Variants in ZDHHC2 observed in about 807,000 individuals in gnomAD.
ZDHHC2 encodes the protein palmitoyltransferase ZDHHC2.
A neutral mutation model predicts 55.6 loss-of-function variants in ZDHHC2; 51 were observed. That is an observed-to-expected ratio of 0.92 (90% CI 0.73 to 1.16). The LOEUF is 1.16. Ranked by LOEUF, ZDHHC2 falls within the 50% of genes most tolerant of loss-of-function variation. The pLI, the probability that ZDHHC2 is intolerant of heterozygous loss-of-function variation, is 0.00. For synonymous variants in ZDHHC2, 199 were observed against 152.9 expected (o/e 1.30, Z -2.22); for missense variants, 491 against 442.4 (o/e 1.11, Z -0.99).
chr8:17,217,773 C>A (rs897016895), intron 12 of ZDHHC2, among the ~76,000 whole-genome samples: 5 of 152,032 alleles, frequency 3.3e-5, no homozygotes, highest in Admixed American at 1.3e-4. Context: ...TGTTCCAAAT[C>A]ATTTTCTTTA....
intron 1 of ZDHHC2, among the ~76,000 whole-genome samples, chr8:17,180,623 A>T (rs927066157): frequency 6.6e-6 from 1 of 152,304 alleles, no homozygotes; most frequent in South Asian, 2.1e-4. Flanking sequence ...CACTGTGTTA[A>T]GTACATTGTT....
At chr8:17,213,168 G>C (rs1190899710) in intron 10 of ZDHHC2, among the ~76,000 whole-genome samples, 3 of 151,900 alleles carry the variant, frequency 2.0e-5, no homozygotes, top group African/African-American at 7.3e-5. Context: ...TTCTGTTCGG[G>C]CGTAACTTCA....
intron 12 of ZDHHC2, among the ~76,000 whole-genome samples, chr8:17,217,737 G>T (rs1255853590): frequency 6.6e-6 from 1 of 152,042 alleles, no homozygotes; most frequent in East Asian, 1.9e-4. Context: ...GGGCCTTATA[G>T]CATGTGTTAA....
rs1807069037 is a variant in ZDHHC2, at chr8:17,205,784, T to G, written c.597+9T>G. 1 of 1,592,650 alleles carries G rather than the reference T, an allele frequency of 6.3e-7. No individual in the cohort carries two copies. Among genetic ancestry groups the G allele is most frequent in the Non-Finnish European group, 8.5e-7 (1 of 1,174,094 alleles). On this transcript the variant is annotated intron_variant, in intron 7 of 12. Transcript: ENST00000262096. The stretch of plus-strand genomic sequence containing the variant: ...TTATCAAATTTTGGACAGTAAGTCA[T>G]TAACTTGGTAACTCTTTTTTTGGTA...
intron 3 of ZDHHC2, among the ~76,000 whole-genome samples, chr8:17,193,455 A>C (rs1297030600): frequency 6.6e-6 from 1 of 152,228 alleles, no homozygotes; most frequent in East Asian, 1.9e-4. Context: ...CTCTGTGGCC[A>C]ACACCACTGG....
intron 10 of ZDHHC2, among the ~76,000 whole-genome samples, chr8:17,211,973 T>A (rs1807408132): frequency 1.3e-5 from 2 of 152,242 alleles, no homozygotes; most frequent in Non-Finnish European, 2.9e-5. Flanking sequence ...GTGTTTTTTT[T>A]AATAATTTAA....
intron 10 of ZDHHC2, among the ~76,000 whole-genome samples, chr8:17,213,247 TTTTTTTTTTC>T (rs1253143590): frequency 8.1e-5 from 12 of 148,710 alleles, no homozygotes; most frequent in African/African-American, 2.0e-4. Context: ...GTTACACTGA[TTTTTTTTTTC>T]TTTTTTTTTC....
At chr8:17,180,554 A>G (rs1187103993) in intron 1 of ZDHHC2, among the ~76,000 whole-genome samples, 1 of 152,140 alleles carries the variant, frequency 6.6e-6, no homozygotes, top group African/African-American at 2.4e-5. Context: ...AGTTAATATT[A>G]TCAAGATGAA....
chr8:17,163,289 A>C (rs1458273496), intron 1 of ZDHHC2, among the ~76,000 whole-genome samples: 1 of 152,150 alleles, frequency 6.6e-6, no homozygotes, highest in Non-Finnish European at 1.5e-5. Context: ...CAGCGGGTCC[A>C]GTGTTCCAGC....
chr8:17,212,878 A>G (rs1268012030), intron 10 of ZDHHC2, among the ~76,000 whole-genome samples: 1 of 151,848 alleles, frequency 6.6e-6, no homozygotes, highest in African/African-American at 2.4e-5. Flanking sequence ...TGTTATAATA[A>G]AATGTCTCCA....
intron 3 of ZDHHC2, among the ~76,000 whole-genome samples, chr8:17,192,673 A>T (rs1244327806): frequency 6.6e-6 from 1 of 152,208 alleles, no homozygotes; most frequent in East Asian, 1.9e-4. Context: ...TGTGCTTGTG[A>T]GGTATGATTC....
chr8:17,199,500 T>C (rs62497329), intron 6 of ZDHHC2, among the ~76,000 whole-genome samples: 1 of 109,782 alleles, frequency 9.1e-6, no homozygotes, highest in African/African-American at 4.8e-5. Context: ...CTTCTTCTTC[T>C]TCTTCTTCTT....
At chr8:17,180,426 A>G (rs2150900869) in intron 1 of ZDHHC2, among the ~76,000 whole-genome samples, 1 of 152,264 alleles carries the variant, frequency 6.6e-6, no homozygotes, top group Admixed American at 6.5e-5. Flanking sequence ...TCACTCGCCA[A>G]GTCTATTTTT....
intron 3 of ZDHHC2, among the ~76,000 whole-genome samples, chr8:17,193,348 C>T (rs780128766): frequency 2.6e-5 from 4 of 152,172 alleles, no homozygotes; most frequent in Non-Finnish European, 5.9e-5. Flanking sequence ...TACCAGGCAG[C>T]GACTCTTGTT....
At chr8:17,192,886 C>T (rs2150918559) in intron 3 of ZDHHC2, among the ~76,000 whole-genome samples, 1 of 152,282 alleles carries the variant, frequency 6.6e-6, no homozygotes, top group African/African-American at 2.4e-5. Context: ...GCCCTTTCCC[C>T]AGTGTATGTT....
intron 6 of ZDHHC2, among the ~76,000 whole-genome samples, chr8:17,199,552 C>T (rs1352593237): frequency 4.9e-5 from 5 of 101,364 alleles, no homozygotes; most frequent in Admixed American, 1.1e-4. Flanking sequence ...CTTCTGTCTT[C>T]GTCTTCGTCT....
At chr8:17,208,495 G>A (rs1399043065) in intron 8 of ZDHHC2, among the ~76,000 whole-genome samples, 2 of 151,954 alleles carry the variant, frequency 1.3e-5, no homozygotes, top group East Asian at 3.9e-4. Flanking sequence ...GGTAAGCAAG[G>A]ACTAAGCTAT....
chr8:17,201,840 C>G (rs1303765756), intron 6 of ZDHHC2, among the ~76,000 whole-genome samples: 1 of 151,938 alleles, frequency 6.6e-6, no homozygotes, highest in Non-Finnish European at 1.5e-5. Context: ...TATTTTGAAC[C>G]TTCATATCTG....
chr8:17,223,595 C>T lies in ZDHHC2; in HGVS notation c.*3374C>T, dbSNP rs1165848397. 1.3e-5 allele frequency: 2 copies of T among 151,830 alleles called. No homozygotes were observed. Among genetic ancestry groups the T allele is most frequent in the Non-Finnish European group, 3.0e-5 (2 of 67,766 alleles). 9.4% of individuals were successfully genotyped at this position (151,830 alleles called of 1,614,324 possible). On this transcript the variant is annotated 3_prime_UTR_variant, in exon 13 of 13. Coordinates refer to ENST00000262096, the MANE Select transcript of ZDHHC2 (RefSeq NM_016353.5). ...ACATACCTGAAGTATTACTCTTTTA[C>T]AAAGATACCATTAGAATTTTCTCAC... is the stretch of plus-strand genomic sequence containing the variant.
Sources: allele counts gnomAD v4.1 joint callset (sites outside exome capture counted in the v4.1 genomes callset), GRCh38; gene constraint gnomAD v4.1.1; transcripts MANE v1.5; gene names NCBI Gene and HGNC (gene_info 2026-07-23, HGNC 2026-07-21).